Variants in ZPBP observed in about 807,000 individuals in gnomAD.
The protein encoded by ZPBP is zona pellucida-binding protein 1.
ZPBP carries 26 observed loss-of-function variants against 44.8 expected under a neutral mutation model. The observed-to-expected ratio is 0.58, with a 90% confidence interval of 0.43 to 0.81. ZPBP has a LOEUF of 0.81. Ranked by LOEUF, ZPBP falls within the 30% of genes least tolerant of loss-of-function variation. The pLI, the probability that ZPBP is intolerant of heterozygous loss-of-function variation, is 0.00. For missense variants in ZPBP, 409 were observed against 434.0 expected (o/e 0.94, Z 0.51); for synonymous variants, 174 against 153.2 (o/e 1.14, Z -1.00).
intron 7 of ZPBP, among the ~76,000 whole-genome samples, chr7:49,962,804 T>C (rs1387696229): frequency 6.6e-6 from 1 of 151,834 alleles, no homozygotes. Context: ...TCAACATTTC[T>C]AGAAGAAAAC....
intron 1 of ZPBP, chr7:49,912,137 A>G (rs1793487826): frequency 1.2e-6 from 2 of 1,614,172 alleles, no homozygotes; most frequent in Non-Finnish European, 1.7e-6. Context: ...GCACATGGAG[A>G]ATCGAGCGGC....
chr7:50,041,762 C>A (rs1800107237), intron 4 of ZPBP, among the ~76,000 whole-genome samples: 1 of 152,160 alleles, frequency 6.6e-6, no homozygotes. Context: ...CAGAACACTT[C>A]TTCTCCTTCA....
At chr7:49,929,842 T>C (rs1794387010) in intron 1 of ZPBP, among the ~76,000 whole-genome samples, 1 of 152,202 alleles carries the variant, frequency 6.6e-6, no homozygotes, top group African/African-American at 2.4e-5. Flanking sequence ...ATGTTACTAA[T>C]GTGAAGGGTG....
At chr7:49,857,743 T>G (rs1790482906) in intron 2 of ZPBP, among the ~76,000 whole-genome samples, 1 of 152,140 alleles carries the variant, frequency 6.6e-6, no homozygotes. Flanking sequence ...GTATGGAGAT[T>G]TCTCAACAAG....
At chr7:50,063,623 C>T (rs1801358549) in intron 3 of ZPBP, among the ~76,000 whole-genome samples, 1 of 151,932 alleles carries the variant, frequency 6.6e-6, no homozygotes, top group East Asian at 1.9e-4. Flanking sequence ...ACAAAGAATC[C>T]GGGGACCACC....
chr7:49,961,577 A>G (rs953930828), intron 7 of ZPBP, among the ~76,000 whole-genome samples: 7 of 152,106 alleles, frequency 4.6e-5, no homozygotes, highest in African/African-American at 1.7e-4. Flanking sequence ...AAATTTCAAC[A>G]TGTATAGTTA....
At chr7:50,048,239 G>T (rs1288577217) in intron 4 of ZPBP, among the ~76,000 whole-genome samples, 3 of 152,130 alleles carry the variant, frequency 2.0e-5, no homozygotes, top group East Asian at 3.9e-4. Flanking sequence ...TAAACATACA[G>T]ATATTAAAGA....
chr7:50,087,577 A>G (rs1355428247), intron 2 of ZPBP, among the ~76,000 whole-genome samples: 2 of 152,034 alleles, frequency 1.3e-5, no homozygotes, highest in East Asian at 1.9e-4. Flanking sequence ...GAAAACTTAT[A>G]TCGGTTTTAC....
At chr7:49,889,705 A>G (rs1008568885) in intron 2 of ZPBP, among the ~76,000 whole-genome samples, 46 of 152,228 alleles carry the variant, frequency 3.0e-4, no homozygotes, top group African/African-American at 1.1e-3. Flanking sequence ...GCCAGTGACC[A>G]CTGAAATTGT....
At chr7:49,877,462 CAAAAAAAA>C (rs1169480763) in intron 2 of ZPBP, among the ~76,000 whole-genome samples, 2 of 7,056 alleles carry the variant, frequency 2.8e-4, no homozygotes, top group Non-Finnish European at 4.9e-4. Flanking sequence ...AACTCTGTCT[CAAAAAAAA>C]AAAAAAAAAA....
intron 2 of ZPBP, among the ~76,000 whole-genome samples, chr7:49,865,759 G>A (rs994443556): frequency 4.6e-5 from 7 of 152,204 alleles, no homozygotes; most frequent in Non-Finnish European, 8.8e-5. Context: ...TAACAAGCCA[G>A]CCTCCTGATC....
downstream of ZPBP, among the ~76,000 whole-genome samples, chr7:49,846,647 G>T (rs1184230198): frequency 6.6e-6 from 1 of 152,124 alleles, no homozygotes; most frequent in Non-Finnish European, 1.5e-5. Context: ...TTTCCTGCAT[G>T]AAACTGTGAG....
chr7:49,904,393 A>G (rs774691970), intron 1 of ZPBP, among the ~76,000 whole-genome samples: 21 of 152,246 alleles, frequency 1.4e-4, no homozygotes, highest in Non-Finnish European at 2.5e-4. Context: ...TGCAACTTCC[A>G]GGTTTGATTT....
At chr7:49,937,758 C>G in intron 7 of ZPBP, 136 bp from the exon 8 acceptor site, 2 of 708,722 alleles carry the variant, frequency 2.8e-6, no homozygotes, top group Non-Finnish European at 4.7e-6. Flanking sequence ...ATCTGCAGAA[C>G]TTTTTCATCT....
intron 3 of ZPBP, among the ~76,000 whole-genome samples, chr7:50,080,274 T>C (rs907470757): frequency 2.0e-5 from 3 of 151,720 alleles, no homozygotes; most frequent in African/African-American, 7.2e-5. Flanking sequence ...TAAAATACTG[T>C]ATTGAAAACC....
intron 2 of ZPBP, among the ~76,000 whole-genome samples, chr7:49,885,004 A>G (rs937583806): frequency 2.0e-5 from 3 of 152,118 alleles, no homozygotes; most frequent in African/African-American, 7.2e-5. Context: ...GAAATAGGAT[A>G]TAAGTGTTGT....
intron 2 of ZPBP, among the ~76,000 whole-genome samples, chr7:49,898,170 GTGTGTGTGTATATA>G (rs912158311): frequency 3.3e-5 from 5 of 151,720 alleles, no homozygotes; most frequent in African/African-American, 7.3e-5. Context: ...TGCTTTATAT[GTGTGTGTGTATATA>G]TGTGTGTGTA....
intron 2 of ZPBP, among the ~76,000 whole-genome samples, chr7:49,889,803 A>C (rs1792054840): frequency 6.6e-6 from 1 of 152,202 alleles, no homozygotes. Flanking sequence ...AAATAGTCCA[A>C]GTTGGTCTTT....
At chr7:49,853,401 G>A (rs1176363397) in intron 2 of ZPBP, among the ~76,000 whole-genome samples, 1 of 152,206 alleles carries the variant, frequency 6.6e-6, no homozygotes, top group Non-Finnish European at 1.5e-5. Flanking sequence ...GATGCTGGCA[G>A]CCAGCCTATC....
Sources: gnomAD v4.1 joint callset for allele counts (sites outside exome capture counted in the v4.1 genomes callset) on GRCh38, gnomAD v4.1.1 for gene constraint, MANE v1.5 for transcripts, NCBI Gene and HGNC (gene_info 2026-07-23, HGNC 2026-07-21) for gene names.